Variants in NUDCD1 observed in about 807,000 individuals in gnomAD.
NUDCD1 encodes NudC domain containing 1, also known as nudC domain-containing protein 1.
NUDCD1 carries 60 observed loss-of-function variants against 67.8 expected under a neutral mutation model. The ratio of observed to expected loss-of-function variants is 0.88; its 90% CI spans 0.72 to 1.10. NUDCD1 has a LOEUF of 1.10. Among genes scored for constraint, NUDCD1 ranks in the 50% least tolerant of loss-of-function variants. The pLI, the probability that NUDCD1 is intolerant of heterozygous loss-of-function variation, is 0.00. For missense variants in NUDCD1, 643 were observed against 695.0 expected, an observed-to-expected ratio of 0.93 and a Z score of 0.84; for synonymous variants, 244 against 230.8, an observed-to-expected ratio of 1.06 and a Z score of -0.52.
intron 8 of NUDCD1, among the ~76,000 whole-genome samples, chr8:109,255,194 A>G (rs1196615782): frequency 6.6e-6 from 1 of 152,226 alleles, no homozygotes; most frequent in Non-Finnish European, 1.5e-5. Context: ...GCTAGACACT[A>G]GTTCAGATAC....
chr8:109,270,067 C>T (rs867299104), intron 8 of NUDCD1, among the ~76,000 whole-genome samples: 158 of 4,528 alleles, frequency 0.035, 4 homozygotes, highest in African/African-American at 0.16. Flanking sequence ...GTGGCGGGGG[C>T]GGGGGGGGGG....
At chr8:109,308,528 A>T (rs986075747) in intron 2 of NUDCD1, among the ~76,000 whole-genome samples, 2 of 152,230 alleles carry the variant, frequency 1.3e-5, no homozygotes. Context: ...CAAAAGATAA[A>T]GGAAACAAAA....
chr8:109,319,959 C>CA lies in NUDCD1; in HGVS notation c.273+2349dup, dbSNP rs1359763784. On this transcript the variant is annotated intron_variant, in intron 2 of 9. Coordinates refer to ENST00000239690, the MANE Select transcript of NUDCD1 (RefSeq NM_032869.4). ...AGGTTCCATGATGCCCCACTAGCCG[C>CA]AAAAACCAGCAAGTTTTTATTAGGG... Among the ~76,000 whole-genome samples, 49 of 152,002 alleles carry CA rather than the reference C, an allele frequency of 3.2e-4. 1 individual carries two copies.
At chr8:109,268,569 T>C (rs1287451292) in intron 8 of NUDCD1, among the ~76,000 whole-genome samples, 1 of 152,098 alleles carries the variant, frequency 6.6e-6, no homozygotes, top group Non-Finnish European at 1.5e-5. Context: ...TACTTAGGAG[T>C]ACTAAGATGA....
At chr8:109,275,613 G>A in intron 6 of NUDCD1, 117 bp from the exon 7 acceptor site, 2 of 925,180 alleles carry the variant, frequency 2.2e-6, no homozygotes, top group Non-Finnish European at 3.1e-6. Context: ...GTGTCCAGAG[G>A]ATGGTTTACC....
intron 2 of NUDCD1, among the ~76,000 whole-genome samples, chr8:109,321,641 G>A (rs1197255282): frequency 6.6e-6 from 1 of 151,862 alleles, no homozygotes; most frequent in Non-Finnish European, 1.5e-5. Flanking sequence ...CAAGAATATT[G>A]GGAACTAGAT....
At chr8:109,251,609 T>A (rs534786691) in intron 8 of NUDCD1, among the ~76,000 whole-genome samples, 1 of 152,232 alleles carries the variant, frequency 6.6e-6, no homozygotes, top group Admixed American at 6.5e-5. Context: ...AGGATCTCCA[T>A]TGACATCCTA....
intron 4 of NUDCD1, 75 bp downstream of exon 4, chr8:109,293,269 A>T: frequency 1.3e-6 from 1 of 761,876 alleles, no homozygotes; most frequent in Non-Finnish European, 2.1e-6. Flanking sequence ...AACAGTATTT[A>T]CAGGGACAGC....
intron 6 of NUDCD1, among the ~76,000 whole-genome samples, chr8:109,278,824 A>G (rs1191199826): frequency 6.6e-6 from 1 of 152,196 alleles, no homozygotes; most frequent in Non-Finnish European, 1.5e-5. Flanking sequence ...TCTGGCTTTT[A>G]TAAGTATGCC....
At chr8:109,259,905 T>C (rs1420744043) in intron 8 of NUDCD1, among the ~76,000 whole-genome samples, 1 of 152,208 alleles carries the variant, frequency 6.6e-6, no homozygotes, top group Non-Finnish European at 1.5e-5. Context: ...TTCATACTTT[T>C]AACAGCTTAC....
Position 109,243,223 on chromosome 8 carries a change from C to A in NUDCD1, c.1538G>T (p.Cys513Phe). Residue 513 changes from cysteine (C) to phenylalanine (F), a missense_variant, in exon 10 of 10, where the codon TGC becomes TTC. By Grantham distance (205) the Cys-to-Phe change is radical. Transcript: ENST00000239690. The stretch of plus-strand genomic sequence containing the variant: ...ACGATAGATGAATACTCGACGAAGG[C>A]ACTCACAAAGGGCTGCATACGAGTA... ...PNYSYAALCE[C>F]LRRVFIYRQP... 6.2e-7 allele frequency: 1 copy of A among 1,613,448 alleles called. No individual in the cohort carries two copies. The highest frequency in any genetic ancestry group is 1.7e-4 in the Middle Eastern group (1 of 6,056).
intron 4 of NUDCD1, among the ~76,000 whole-genome samples, chr8:109,290,567 GA>G (rs1049586446): frequency 6.6e-6 from 1 of 152,196 alleles, no homozygotes; most frequent in South Asian, 2.1e-4. Context: ...TAGCAGAAAT[GA>G]TTTTTTTTAC....
chr8:109,306,547 A>G (rs900352382), intron 2 of NUDCD1, among the ~76,000 whole-genome samples: 1 of 151,930 alleles, frequency 6.6e-6, no homozygotes, highest in East Asian at 1.9e-4. Context: ...ACCTAAATCA[A>G]TCTTGCGTGG....
chr8:109,301,512 C>A (rs1814989717), intron 2 of NUDCD1, among the ~76,000 whole-genome samples: 1 of 152,200 alleles, frequency 6.6e-6, no homozygotes, highest in South Asian at 2.1e-4. Context: ...GTGCCGAAGA[C>A]CCGGGACAGG....
chr8:109,245,736 G>A (rs1313900832), intron 8 of NUDCD1, among the ~76,000 whole-genome samples: 1 of 152,158 alleles, frequency 6.6e-6, no homozygotes, highest in Non-Finnish European at 1.5e-5. Context: ...TCATGGAGCT[G>A]AAATTTGGAC....
chr8:109,313,951 G>T (rs1315920793), intron 2 of NUDCD1: 2 of 422,976 alleles, frequency 4.7e-6, no homozygotes, highest in East Asian at 1.5e-4. Flanking sequence ...TCTCTTACTT[G>T]CATTAATGAC....
At chr8:109,272,289 T>G (rs1162824601) in intron 7 of NUDCD1, among the ~76,000 whole-genome samples, 1 of 151,806 alleles carries the variant, frequency 6.6e-6, no homozygotes, top group Admixed American at 6.6e-5. Context: ...AAATATAAAT[T>G]TCTTAAATTA....
chr8:109,278,381 T>C (rs1814347519), intron 6 of NUDCD1, among the ~76,000 whole-genome samples: 1 of 152,332 alleles, frequency 6.6e-6, no homozygotes, highest in African/African-American at 2.4e-5. Context: ...CACTTAACTT[T>C]ATCTTTTTTT....
chr8:109,293,027 T>G (rs1259666469), intron 4 of NUDCD1, among the ~76,000 whole-genome samples: 1 of 152,058 alleles, frequency 6.6e-6, no homozygotes, highest in Non-Finnish European at 1.5e-5. Flanking sequence ...TATATGTTTC[T>G]GTGTATCACA....
Sources: gnomAD v4.1 joint callset for allele counts (sites outside exome capture counted in the v4.1 genomes callset) on GRCh38, gnomAD v4.1.1 for gene constraint, MANE v1.5 for transcripts, NCBI Gene and HGNC (gene_info 2026-07-23, HGNC 2026-07-21) for gene names.